The following LIMA1 variants were observed in gnomAD, a reference collection of about 807,000 sequenced individuals.
LIMA1 encodes LIM domain and actin binding 1, also known as LIM domain and actin-binding protein 1.
LIMA1 carries 52 observed loss-of-function variants against 62.6 expected under a neutral mutation model. The observed-to-expected ratio is 0.83, with a 90% CI of 0.67 to 1.05. The LOEUF (loss-of-function observed/expected upper bound fraction) is 1.05. LIMA1 is among the 50% of genes least tolerant of loss of function. LIMA1 has a pLI of 0.00. For synonymous variants in LIMA1, 302 were observed against 317.8 expected, an observed-to-expected ratio of 0.95 and a Z score of 0.53; for missense variants, 780 against 902.2, an observed-to-expected ratio of 0.86 and a Z score of 1.74.
At position 50,248,709 on chromosome 12, in the gene LIMA1, A is replaced by T; in HGVS notation, c.43T>A (p.Ser15Thr). 1.2e-6 allele frequency: 2 copies of T among 1,612,180 alleles called. No homozygotes were observed. Among genetic ancestry groups the T allele is most frequent in the Non-Finnish European group, 1.7e-6 (2 of 1,178,196 alleles). The change falls in exon 2 of 11, where the codon TCA (serine) becomes ACA (threonine). Residue 15 changes from serine (S) to threonine (T), a missense_variant. Coordinates refer to ENST00000341247, the MANE Select transcript of LIMA1 (RefSeq NM_016357.5). Reference protein sequence around the residue: ...PFNRRQWTSLSLRVTAKELSL... With the variant: ...PFNRRQWTSLTLRVTAKELSL... ...AGTTCTTTGGCTGTTACCCTCAATG[A>T]TAGTGAGGTCCATTGCCGTCTATTA...
Position 50,218,723 on chromosome 12 carries a change from T to C in LIMA1, c.630+3298A>G, listed in dbSNP as rs1192386945. Among the ~76,000 whole-genome samples the C allele has an allele frequency of 4.6e-5, 7 of 152,056 alleles. No homozygotes were observed. The Middle Eastern group carries it at 0.01, about 222-fold the overall frequency. On this transcript the variant is annotated intron_variant, in intron 4 of 10. Transcript: ENST00000341247. Reference sequence around the variant, plus strand: ...GAGTTTAAGAACAGTCTGGGCAACATAGCGAAACGCTGTCTCCATAAAAAA... The same window carrying C: ...GAGTTTAAGAACAGTCTGGGCAACACAGCGAAACGCTGTCTCCATAAAAAA...
rs896206470 is a variant in LIMA1, at chr12:50,175,794, T to C, written c.*1270A>G. On this transcript the variant is annotated 3_prime_UTR_variant, in exon 11 of 11. Coordinates refer to ENST00000341247, the MANE Select transcript of LIMA1 (RefSeq NM_016357.5). ...GAAGAGAAACATTGAAAAGTTCAAA[T>C]TTTAATTAAAATCTTTATTGAATAA... The C allele has an allele frequency of 6.6e-6, 1 of 152,216 alleles. No individual in the cohort carries two copies. Among genetic ancestry groups the C allele is most frequent in the Non-Finnish European group, 1.5e-5 (1 of 68,040 alleles). The allele number at this position is 152,216 out of a possible 1,614,324, so 9.4% of individuals were successfully genotyped here. A position where few individuals can be genotyped will look rare whatever the true frequency, so the allele number is the denominator to read the frequency against.
chr12:50,236,442 C>T (rs1249530927), intron 2 of LIMA1, among the ~76,000 whole-genome samples: 1 of 151,408 alleles, frequency 6.6e-6, no homozygotes. Context: ...GGATTACAGG[C>T]ACGCACCACC....
intron 2 of LIMA1, among the ~76,000 whole-genome samples, chr12:50,241,257 T>C (rs996700657): frequency 1.3e-5 from 2 of 152,186 alleles, no homozygotes; most frequent in Non-Finnish European, 2.9e-5. Flanking sequence ...TTGTAGCTAT[T>C]ATAAAAAGGA....
At chr12:50,264,522 TA>T (rs1281104947) in intron 1 of LIMA1, among the ~76,000 whole-genome samples, 2 of 152,206 alleles carry the variant, frequency 1.3e-5, no homozygotes, top group African/African-American at 4.8e-5. Flanking sequence ...GGCAGGACAG[TA>T]GAATGGAAAT....
intron 1 of LIMA1, chr12:50,256,438 C>T (rs1941998518): frequency 6.6e-6 from 1 of 152,140 alleles, no homozygotes; most frequent in East Asian, 1.9e-4. Context: ...TCTTATATTA[C>T]CATAGTACAA....
rs562808228 is a variant in LIMA1, at chr12:50,213,438, C to T, written c.631-7370G>A. 8.5e-5 allele frequency among the ~76,000 whole-genome samples: 13 copies of T among 152,384 alleles called. No homozygotes were observed. The East Asian group carries it at 2.3e-3, about 27-fold the overall frequency. On this transcript the variant is annotated intron_variant, in intron 4 of 10. Transcript: ENST00000341247. The stretch of plus-strand genomic sequence containing the variant: ...TGTTCTGATATTAATTAGCCACATG[C>T]CATGGGGCATATCAATTAACTTCTC...
chr12:50,178,966 A>T (rs7968056), intron 10 of LIMA1, among the ~76,000 whole-genome samples: 14,634 of 128,880 alleles, frequency 0.11, 829 homozygotes, highest in African/African-American at 0.17. Context: ...ATATATATAT[A>T]TTTTTTTTTT....
At chr12:50,178,940 G>A (rs914622701) in intron 10 of LIMA1, among the ~76,000 whole-genome samples, 1 of 148,598 alleles carries the variant, frequency 6.7e-6, no homozygotes, top group African/African-American at 2.5e-5. Context: ...ATTCTTAACG[G>A]TATATAAATA....
At chr12:50,256,644 T>C (rs187849827) in intron 1 of LIMA1, among the ~76,000 whole-genome samples, 195 of 152,296 alleles carry the variant, frequency 1.3e-3, no homozygotes, top group Non-Finnish European at 2.6e-3. Context: ...CTCGATATTG[T>C]TGAAAGTATT....
intron 7 of LIMA1, among the ~76,000 whole-genome samples, chr12:50,196,212 GC>G (rs1378182573): frequency 6.6e-6 from 1 of 151,978 alleles, no homozygotes; most frequent in Non-Finnish European, 1.5e-5. Flanking sequence ...GCAAAACAAA[GC>G]CCTCTATCAA....
intron 1 of LIMA1, among the ~76,000 whole-genome samples, chr12:50,281,750 A>G (rs1416738193): frequency 4.6e-5 from 7 of 152,212 alleles, no homozygotes; most frequent in Admixed American, 3.3e-4. Context: ...AAATACATAG[A>G]TTGAAGAGAA....
intron 4 of LIMA1, chr12:50,217,969 A>AG (rs1941375713): frequency 7.2e-6 from 1 of 139,408 alleles, no homozygotes; most frequent in Non-Finnish European, 1.5e-5. Context: ...CAGTGGCGTG[A>AG]TCTCGGCTCA....
At chr12:50,226,185 C>T (rs138226502) in intron 3 of LIMA1, among the ~76,000 whole-genome samples, 30 of 152,000 alleles carry the variant, frequency 2.0e-4, no homozygotes, top group African/African-American at 6.8e-4. Flanking sequence ...TATCTGGGAC[C>T]GCAGGCCCAT....
chr12:50,227,248 T>C (rs1284950009), intron 3 of LIMA1, among the ~76,000 whole-genome samples: 1 of 146,278 alleles, frequency 6.8e-6, no homozygotes, highest in African/African-American at 2.5e-5. Flanking sequence ...TTTTTTTTTT[T>C]TTTTTTTTGA....
intron 1 of LIMA1, among the ~76,000 whole-genome samples, chr12:50,275,805 G>A (rs2138708981): frequency 6.6e-6 from 1 of 152,246 alleles, no homozygotes; most frequent in East Asian, 1.9e-4. Flanking sequence ...TGTTGTGGGA[G>A]ATAAGCCTAA....
At chr12:50,277,241 C>A (rs1942286520) in intron 1 of LIMA1, among the ~76,000 whole-genome samples, 1 of 151,992 alleles carries the variant, frequency 6.6e-6, no homozygotes, top group East Asian at 1.9e-4. Context: ...TTCCCCCAAC[C>A]CCCACAGCAA....
intron 6 of LIMA1, among the ~76,000 whole-genome samples, chr12:50,202,785 T>C (rs897433786): frequency 8.5e-5 from 13 of 152,252 alleles, no homozygotes; most frequent in African/African-American, 3.1e-4. Flanking sequence ...ATACTCATTA[T>C]GGTTTCCAAT....
intron 4 of LIMA1, among the ~76,000 whole-genome samples, chr12:50,208,696 G>A (rs1565841293): frequency 6.6e-6 from 1 of 151,526 alleles, no homozygotes; most frequent in East Asian, 1.9e-4. Flanking sequence ...TATTACATAT[G>A]TGTGTGTGTG....
Sources: allele counts gnomAD v4.1 joint callset (sites outside exome capture counted in the v4.1 genomes callset), GRCh38; gene constraint gnomAD v4.1.1; transcripts MANE v1.5; gene names NCBI Gene and HGNC (gene_info 2026-07-23, HGNC 2026-07-21).